Variants in GABRR1 observed in about 807,000 individuals in gnomAD.
The protein encoded by GABRR1 is gamma-aminobutyric acid receptor subunit rho-1.
In GABRR1, 59 loss-of-function variants were observed where a neutral mutation model predicts 55.5. The observed-to-expected ratio is 1.06, with a 90% CI of 0.86 to 1.32. GABRR1 has a LOEUF of 1.32. GABRR1 is among the 40% of genes most tolerant of loss of function. The pLI, the probability that GABRR1 is intolerant of heterozygous loss-of-function variation, is 0.00. For synonymous variants in GABRR1, 213 were observed against 226.0 expected, an observed-to-expected ratio of 0.94 and a Z score of 0.51; for missense variants, 602 against 619.1, an observed-to-expected ratio of 0.97 and a Z score of 0.29.
At chr6:89,198,407 G>A (rs567013787) in intron 4 of GABRR1, among the ~76,000 whole-genome samples, 164 bp from the exon 5 acceptor site, 4 of 131,876 alleles carry the variant, frequency 3.0e-5, no homozygotes, top group South Asian at 2.9e-4. Flanking sequence ...GGAAGAGAAC[G>A]CTGCAGGGGG....
chr6:89,217,084 A>T (rs1005453271), intron 1 of GABRR1, 117 bp downstream of exon 1: 2 of 1,058,094 alleles, frequency 1.9e-6, no homozygotes, highest in Non-Finnish European at 2.7e-6. Flanking sequence ...GGGAAGAAAA[A>T]GGCATCCACA....
At chr6:89,231,001 A>G (rs1333778287) in intron 1 of GABRR1, among the ~76,000 whole-genome samples, 22 of 151,528 alleles carry the variant, frequency 1.5e-4, no homozygotes, top group Admixed American at 1.4e-3. Context: ...AAAGCGCAAT[A>G]TTCGGGTGGG....
intron 6 of GABRR1, among the ~76,000 whole-genome samples, chr6:89,187,854 T>C (rs564861606): frequency 2.0e-5 from 3 of 152,360 alleles, no homozygotes; most frequent in South Asian, 4.1e-4. Context: ...CTGCATTCTG[T>C]GTATCCATTC....
In GABRR1 at chr6:89,180,451, C is replaced by T. The variant is rs145000276; in HGVS notation, c.987G>A (p.Thr329=). The T allele has an allele frequency of 2.9e-4, 463 of 1,613,948 alleles. 1 individual carries two copies. The highest frequency in any genetic ancestry group is 3.6e-4 in the Non-Finnish European group (422 of 1,179,930). Residue 329 remains threonine, a synonymous_variant, in exon 9 of 10, where the codon ACG becomes ACA. Transcript: ENST00000454853. The part of the protein sequence containing the change: ...TTVLTMSTII[T]GVNASMPRVS... ...CGCGCGGCATGGAGGCATTCACGCC[C>T]GTGATGATGGTGGACATGGTCAGCA...
rs1364778469 is a variant in GABRR1 at position 89,204,673 on chromosome 6, T to C, written c.123-1188A>G. The C allele has an allele frequency of 3.9e-6, 5 of 1,288,370 alleles. No individual in the cohort carries two copies. In the Admixed American group the frequency reaches 9.3e-5, roughly 24 times the overall value. 79.8% of individuals were successfully genotyped at this position (1,288,370 alleles called of 1,614,324 possible). A position where few individuals can be genotyped will look rare whatever the true frequency, so the allele number is the denominator to read the frequency against. Reference sequence around the variant, plus strand: ...GTCAAATTCTGAGATGCCACTGCCTTTGCCTTCATGAAGCCTCGATTCTAG... The same window carrying C: ...GTCAAATTCTGAGATGCCACTGCCTCTGCCTTCATGAAGCCTCGATTCTAG... On this transcript the variant is annotated intron_variant, in intron 1 of 9. Transcript: ENST00000454853.
intron 7 of GABRR1, among the ~76,000 whole-genome samples, chr6:89,183,661 T>A (rs1007226669): frequency 3.4e-5 from 5 of 146,560 alleles, no homozygotes; most frequent in African/African-American, 1.3e-4. Context: ...ATATACACCA[T>A]GGAATACCAC....
rs576972985 is a variant in GABRR1 at position 89,210,319 on chromosome 6, G to A, written c.123-6834C>T. ...AGTGATCCTCCCACCTCAGCCTCCCGAGTAGCTAGGACCACAGGTGTGTGC... is the reference window on the plus strand; with the variant it reads ...AGTGATCCTCCCACCTCAGCCTCCCAAGTAGCTAGGACCACAGGTGTGTGC... On this transcript the variant is annotated intron_variant, in intron 1 of 9. Coordinates refer to ENST00000454853, the MANE Select transcript of GABRR1 (RefSeq NM_002042.5). Among the ~76,000 whole-genome samples the A allele has an allele frequency of 2.3e-4, 34 of 149,714 alleles. No homozygotes were observed. The South Asian group carries it at 5.9e-3, about 26-fold the overall frequency.
intron 1 of GABRR1, among the ~76,000 whole-genome samples, chr6:89,213,724 G>A (rs929772903): frequency 2.0e-5 from 3 of 152,070 alleles, no homozygotes; most frequent in Non-Finnish European, 2.9e-5. Context: ...CTATATGCAT[G>A]GCATAATTCC....
intron 1 of GABRR1, among the ~76,000 whole-genome samples, chr6:89,204,309 G>C (rs1379176301): frequency 6.6e-6 from 1 of 152,244 alleles, no homozygotes; most frequent in African/African-American, 2.4e-5. Flanking sequence ...AAATGGAGCA[G>C]AGACAGGTGT....
At chr6:89,217,454 A>C, upstream of GABRR1, 2 of 1,019,450 alleles carry the variant, frequency 2.0e-6, no homozygotes, top group Non-Finnish European at 2.8e-6. Context: ...AAATCAACCC[A>C]CAGGATGCAA....
chr6:89,209,549 C>T (rs1184224093), intron 1 of GABRR1, among the ~76,000 whole-genome samples: 1 of 152,092 alleles, frequency 6.6e-6, no homozygotes, highest in Non-Finnish European at 1.5e-5. Flanking sequence ...AAATTGCGGA[C>T]GGAACATCTC....
chr6:89,180,497 A>G lies in GABRR1; in HGVS notation c.950-9T>C. 6.2e-7 allele frequency: 1 copy of G among 1,611,640 alleles called. No individual in the cohort carries two copies. Among genetic ancestry groups the G allele is most frequent in the Non-Finnish European group, 8.5e-7 (1 of 1,178,848 alleles). On this transcript the variant is annotated splice_polypyrimidine_tract_variant and intron_variant, in intron 8 of 9. Transcript: ENST00000454853. ...CAGCACCGTTGTGATACCTGCAAAC[A>G]CAAGAATGAGAAACAAGTGTTTGCT...
intron 1 of GABRR1, among the ~76,000 whole-genome samples, chr6:89,229,287 G>T (rs1223830789): frequency 1.3e-5 from 2 of 151,676 alleles, no homozygotes; most frequent in South Asian, 2.1e-4. Flanking sequence ...TGTTATGTGT[G>T]AATTTGATCC....
chr6:89,190,800 T>C (rs1305072102), intron 5 of GABRR1, among the ~76,000 whole-genome samples: 1 of 152,168 alleles, frequency 6.6e-6, no homozygotes, highest in Non-Finnish European at 1.5e-5. Context: ...GAGATCAAAG[T>C]AATGGAAAAA....
At chr6:89,216,029 G>T in intron 1 of GABRR1, among the ~76,000 whole-genome samples, 1 of 152,186 alleles carries the variant, frequency 6.6e-6, no homozygotes, top group Non-Finnish European at 1.5e-5. Context: ...CAATCCACAA[G>T]TTCCAGTGTT....
chr6:89,225,938 C>G (rs1223946983), intron 1 of GABRR1, among the ~76,000 whole-genome samples: 1 of 148,466 alleles, frequency 6.7e-6, no homozygotes, highest in African/African-American at 2.5e-5. Context: ...TGTTTCCTGA[C>G]TTTTTAATGA....
Position 89,178,936 on chromosome 6 carries a change from A to AC in GABRR1, c.1273dup (p.Val425GlyfsTer32). 3 of 1,614,216 alleles carry AC rather than the reference A, an allele frequency of 1.9e-6. No homozygotes were observed. The highest frequency in any genetic ancestry group is 2.5e-6 in the Non-Finnish European group (3 of 1,180,038). On this transcript the variant is annotated frameshift_variant, in exon 10 of 10. Transcript: ENST00000454853. LOFTEE classifies it high-confidence loss of function. ...CCTCTCTGAGGCCAGGGTCAGCTGC[A>AC]CCATCATCCTGTCGGGCTTCTCTCC...
At chr6:89,187,484 T>G (rs1683907038) in intron 6 of GABRR1, among the ~76,000 whole-genome samples, 1 of 152,174 alleles carries the variant, frequency 6.6e-6, no homozygotes, top group African/African-American at 2.4e-5. Flanking sequence ...CATTTTAAAA[T>G]TTTCATGTAG....
intron 6 of GABRR1, among the ~76,000 whole-genome samples, chr6:89,186,959 C>A (rs1160165751): frequency 1.3e-5 from 2 of 152,224 alleles, no homozygotes; most frequent in Non-Finnish European, 2.9e-5. Flanking sequence ...GACACCTGAT[C>A]CACTGCTACA....
Sources: gnomAD v4.1 joint callset for allele counts (sites outside exome capture counted in the v4.1 genomes callset) on GRCh38, gnomAD v4.1.1 for gene constraint, MANE v1.5 for transcripts, NCBI Gene and HGNC (gene_info 2026-07-23, HGNC 2026-07-21) for gene names.